Variants in KIF26B observed in about 807,000 individuals in gnomAD.
The protein encoded by KIF26B is kinesin family member 26B.
KIF26B carries 63 observed loss-of-function variants against 151.2 expected under a neutral mutation model. That is an observed-to-expected ratio of 0.42 (90% CI 0.34 to 0.51). The LOEUF (loss-of-function observed/expected upper bound fraction) is 0.51. Ranked by LOEUF, KIF26B falls within the 20% of genes least tolerant of loss-of-function variation. The pLI is 0.07. For synonymous variants in KIF26B, 1,357 were observed against 1,262.1 expected, an observed-to-expected ratio of 1.08 and a Z score of -1.59; for missense variants, 2,813 against 2,913.6, an observed-to-expected ratio of 0.97 and a Z score of 0.79.
chr1:245,706,784 A>G lies in KIF26B; in HGVS notation c.*4178A>G, dbSNP rs1377505639. 2.0e-5 allele frequency: 3 copies of G among 152,146 alleles called. No individual in the cohort carries two copies. Among genetic ancestry groups the G allele is most frequent in the African/African-American group, 7.2e-5 (3 of 41,430 alleles). The allele number at this position is 152,146 out of a possible 1,614,324, so 9.4% of individuals were successfully genotyped here. A position where few individuals can be genotyped will look rare whatever the true frequency, so the allele number is the denominator to read the frequency against. ...CCCATGAAGGACACTCTTCAATGCC[A>G]CCACACGGGAGTCTGGGCAGGGAGG... On this transcript the variant is annotated 3_prime_UTR_variant, in exon 15 of 15. Transcript: ENST00000407071.
At chr1:245,263,582 C>A (rs969607981) in intron 2 of KIF26B, among the ~76,000 whole-genome samples, 8 of 152,166 alleles carry the variant, frequency 5.3e-5, no homozygotes, top group Admixed American at 1.3e-4. Flanking sequence ...TGAAAGGCAG[C>A]GCCTGCTGTT....
At chr1:245,348,081 T>C (rs1232228649) in intron 2 of KIF26B, among the ~76,000 whole-genome samples, 1 of 152,238 alleles carries the variant, frequency 6.6e-6, no homozygotes, top group African/African-American at 2.4e-5. Context: ...CGTAGATCAT[T>C]CCCTCCTTCC....
At position 245,687,092 on chromosome 1, in the gene KIF26B, T is replaced by C. The variant is rs1034596053; in HGVS notation, c.4109T>C (p.Val1370Ala). The change falls in exon 12 of 15, where the codon GTC (valine) becomes GCC (alanine). Residue 1370 changes from valine (V) to alanine (A), a missense_variant. This residue lies in a region of KIF26B where 2,060 missense variants were observed against 2,088.6 expected (regional missense o/e 0.99). Coordinates refer to ENST00000407071, the MANE Select transcript of KIF26B (RefSeq NM_018012.4). The surrounding 1 kb of genome is among the most constrained non-coding windows in gnomAD (Gnocchi z 4.9). ...ATATCCACAGTGAGCAAGGCCATGG[T>C]CACCATCTCCAACACGGCCAATCTG... is the stretch of plus-strand genomic sequence containing the variant. Reference protein sequence around the residue: ...CKISTVSKAMVTISNTANLSS... With the variant: ...CKISTVSKAMATISNTANLSS... The C allele has an allele frequency of 7.4e-6, 12 of 1,613,284 alleles. No homozygotes were observed. Among genetic ancestry groups the C allele is most frequent in the Non-Finnish European group, 1.0e-5 (12 of 1,179,810 alleles).
chr1:245,626,783 T>A (rs1219735382), intron 9 of KIF26B, among the ~76,000 whole-genome samples: 2 of 152,238 alleles, frequency 1.3e-5, no homozygotes, highest in Non-Finnish European at 2.9e-5. Context: ...GCTTTCAAAG[T>A]CTTAGCCATA....
intron 2 of KIF26B, among the ~76,000 whole-genome samples, chr1:245,259,389 A>C (rs547766068): frequency 6.6e-6 from 1 of 152,288 alleles, no homozygotes; most frequent in East Asian, 1.9e-4. Flanking sequence ...TCCATCGCTG[A>C]AATGCACACG....
chr1:245,354,558 C>T (rs1339597775), intron 2 of KIF26B, among the ~76,000 whole-genome samples: 1 of 152,200 alleles, frequency 6.6e-6, no homozygotes, highest in Non-Finnish European at 1.5e-5. Context: ...AGCCAGATGG[C>T]GGGGGAGTTG....
chr1:245,478,762 A>C (rs1345406551), intron 4 of KIF26B, among the ~76,000 whole-genome samples: 1 of 151,586 alleles, frequency 6.6e-6, no homozygotes, highest in African/African-American at 2.4e-5. Flanking sequence ...TTGGGTATCG[A>C]CTGTGGGTGA....
chr1:245,436,863 T>G, intron 4 of KIF26B, among the ~76,000 whole-genome samples: 1 of 151,360 alleles, frequency 6.6e-6, no homozygotes, highest in East Asian at 2.0e-4. Flanking sequence ...TCCTGGAACT[T>G]ACTTCTCTCT....
intron 2 of KIF26B, among the ~76,000 whole-genome samples, chr1:245,262,257 A>AT (rs1326270582): frequency 6.6e-6 from 1 of 152,122 alleles, no homozygotes; most frequent in Non-Finnish European, 1.5e-5. Context: ...GGGGCTTCTC[A>AT]TTTTGATTAC....
intron 10 of KIF26B, among the ~76,000 whole-genome samples, chr1:245,670,756 G>A (rs2147940826): frequency 6.6e-6 from 1 of 152,152 alleles, no homozygotes; most frequent in East Asian, 1.9e-4. Context: ...ATATCTATGG[G>A]ATCCATGAGA....
chr1:245,165,180 C>T (rs1405505653), intron 2 of KIF26B, among the ~76,000 whole-genome samples: 1 of 151,188 alleles, frequency 6.6e-6, no homozygotes, highest in Non-Finnish European at 1.5e-5. Flanking sequence ...TGAAGAATGA[C>T]ACAGACTGAA....
At position 245,705,275 on chromosome 1, in the gene KIF26B, TTTGC is replaced by T. The variant is rs1397399358; in HGVS notation, c.*2672_*2675del. 4 of 152,178 alleles carry T rather than the reference TTTGC, an allele frequency of 2.6e-5. No homozygotes were observed. Among genetic ancestry groups the T allele is most frequent in the African/African-American group, 9.7e-5 (4 of 41,422 alleles). The allele number at this position is 152,178 out of a possible 1,614,324, so 9.4% of individuals were successfully genotyped here. A position where few individuals can be genotyped will look rare whatever the true frequency, so the allele number is the denominator to read the frequency against. On this transcript the variant is annotated 3_prime_UTR_variant, in exon 15 of 15. Coordinates refer to ENST00000407071, the MANE Select transcript of KIF26B (RefSeq NM_018012.4). ...TGTTGTCCATTCTCTCTCTCTTCTC[TTTGC>T]TTTTTTTTGACCTAAATAAGCTGCA...
intron 4 of KIF26B, among the ~76,000 whole-genome samples, chr1:245,532,877 C>T (rs747381655): frequency 6.6e-6 from 1 of 152,160 alleles, no homozygotes. Flanking sequence ...CTCTTATTCC[C>T]GATACGGAGA....
chr1:245,220,995 C>T (rs1035212227), intron 2 of KIF26B, among the ~76,000 whole-genome samples: 2 of 152,152 alleles, frequency 1.3e-5, no homozygotes, highest in African/African-American at 4.8e-5. Context: ...CAAACAGTGA[C>T]CCAGGACAGC....
At chr1:245,274,376 C>T (rs866461159) in intron 2 of KIF26B, among the ~76,000 whole-genome samples, 18 of 151,914 alleles carry the variant, frequency 1.2e-4, no homozygotes, top group Middle Eastern at 3.4e-3. Flanking sequence ...CCTCCCCTAG[C>T]CCCCCACCCC....
At chr1:245,415,829 C>A (rs1558157141) in intron 3 of KIF26B, among the ~76,000 whole-genome samples, 1 of 148,938 alleles carries the variant, frequency 6.7e-6, no homozygotes, top group Non-Finnish European at 1.5e-5. Flanking sequence ...AAGCACCCAA[C>A]ACATGGTTGT....
At chr1:245,611,665 C>T (rs891235946) in intron 8 of KIF26B, 128 bp from the exon 9 acceptor site, 1 of 868,158 alleles carries the variant, frequency 1.2e-6, no homozygotes, top group Non-Finnish European at 1.7e-6. Context: ...GGTTTTCAGC[C>T]TTAGAGGGGC....
At chr1:245,288,412 GT>G (rs1671201976) in intron 2 of KIF26B, among the ~76,000 whole-genome samples, 1 of 152,200 alleles carries the variant, frequency 6.6e-6, no homozygotes, top group Admixed American at 6.5e-5. Flanking sequence ...TTAACGATCA[GT>G]TCTAAATGCC....
intron 4 of KIF26B, among the ~76,000 whole-genome samples, chr1:245,494,719 T>C (rs1660477511): frequency 6.6e-6 from 1 of 152,126 alleles, no homozygotes; most frequent in Non-Finnish European, 1.5e-5. Context: ...CAATAAAGAA[T>C]TTCACCAGAA....
Sources: gnomAD v4.1 joint callset for allele counts (sites outside exome capture counted in the v4.1 genomes callset) on GRCh38, gnomAD v4.1.1 for gene constraint, gnomAD v4.1.1 regional missense constraint, Gnocchi (gnomAD v3.1) non-coding constraint, MANE v1.5 for transcripts, NCBI Gene and HGNC (gene_info 2026-07-23, HGNC 2026-07-21) for gene names.